MMP26: variants seen among roughly 807,000 people sequenced by gnomAD.
MMP26 encodes the protein matrix metalloproteinase-26.
Under a neutral mutation model 31.0 loss-of-function variants are expected in MMP26, and 33 were observed. The ratio of observed to expected loss-of-function variants is 1.06; its 90% CI spans 0.81 to 1.42. The LOEUF is 1.42. Ranked by LOEUF, MMP26 falls within the 40% of genes most tolerant of loss-of-function variation. The pLI is 0.00. For synonymous variants in MMP26, 122 were observed against 114.9 expected (o/e 1.06, Z -0.40); for missense variants, 347 against 316.1 (o/e 1.10, Z -0.74).
At chr11:4,839,224 T>G (rs530613602) in intron 2 of MMP26, among the ~76,000 whole-genome samples, 1 of 151,898 alleles carries the variant, frequency 6.6e-6, no homozygotes, top group South Asian at 2.1e-4. Context: ...CAGACCAAAG[T>G]GATCTGGGTC....
intron 2 of MMP26, among the ~76,000 whole-genome samples, chr11:4,932,403 G>A (rs1401435546): frequency 6.6e-6 from 1 of 152,208 alleles, no homozygotes; most frequent in South Asian, 2.1e-4. Flanking sequence ...AGACTAGAAG[G>A]TTCTATCCTG....
At chr11:4,738,095 G>GT (rs199562261) in intron 1 of MMP26, among the ~76,000 whole-genome samples, 3,577 of 152,002 alleles carry the variant, frequency 0.024, 140 homozygotes, top group African/African-American at 0.082. Context: ...GCCTGGCTGG[G>GT]TTTTTTTTAA....
At position 4,739,590 on chromosome 11, in the gene MMP26, TATACTCATGCAGC is replaced by T. The variant is rs557201754; in HGVS notation, c.-216-27679_-216-27667del. Among the ~76,000 whole-genome samples, 162 of 152,356 alleles carry T rather than the reference TATACTCATGCAGC, an allele frequency of 1.1e-3. 1 individual carries two copies. Among genetic ancestry groups the T allele is most frequent in the African/African-American group, 3.8e-3 (156 of 41,584 alleles). On this transcript the variant is annotated intron_variant, in intron 1 of 7. Coordinates refer to ENST00000380390, the MANE Select transcript of MMP26 (RefSeq NM_021801.5). Reference sequence around the variant, plus strand: ...GACTCCAACCACTTGATATGGAGAATATACTCATGCAGCTGTGTTATAGCCACACAATTTTACC... The same window carrying T: ...GACTCCAACCACTTGATATGGAGAATTGTGTTATAGCCACACAATTTTACC...
intron 2 of MMP26, among the ~76,000 whole-genome samples, chr11:4,893,942 T>TAAA (rs555259201): frequency 7.7e-4 from 107 of 139,512 alleles, no homozygotes; most frequent in African/African-American, 2.8e-3. Context: ...TCTACAAAAA[T>TAAA]AAAAAAAAAA....
At chr11:4,973,174 C>A in intron 2 of MMP26, 1 of 196,940 alleles carries the variant, frequency 5.1e-6, no homozygotes, top group East Asian at 1.2e-4. Flanking sequence ...TATTGAGGAC[C>A]TTGAGCCTTT....
chr11:4,744,182 G>A (rs1429747080), intron 1 of MMP26, among the ~76,000 whole-genome samples: 1 of 151,948 alleles, frequency 6.6e-6, no homozygotes, highest in Admixed American at 6.6e-5. Context: ...TCTCAACTAG[G>A]TTTCACACTG....
chr11:4,795,593 G>A (rs1849094852), intron 2 of MMP26, among the ~76,000 whole-genome samples: 1 of 152,082 alleles, frequency 6.6e-6, no homozygotes, highest in South Asian at 2.1e-4. Context: ...TGAAGAATAA[G>A]CATTTCAAAG....
At chr11:4,977,052 T>G (rs1846747600) in intron 2 of MMP26, among the ~76,000 whole-genome samples, 2 of 151,936 alleles carry the variant, frequency 1.3e-5, no homozygotes, top group Admixed American at 1.3e-4. Context: ...CCTTTGTTCA[T>G]TTTTTAAATT....
intron 2 of MMP26, among the ~76,000 whole-genome samples, chr11:4,845,054 T>C (rs1849848174): frequency 1.3e-5 from 2 of 152,218 alleles, no homozygotes; most frequent in Admixed American, 6.5e-5. Flanking sequence ...TCAGTAAATT[T>C]GCAGGATACA....
chr11:4,719,918 A>G (rs970103421), intron 1 of MMP26, among the ~76,000 whole-genome samples: 1 of 152,214 alleles, frequency 6.6e-6, no homozygotes, highest in Non-Finnish European at 1.5e-5. Flanking sequence ...CTTCTCCCTT[A>G]AAGAGATAAG....
intron 2 of MMP26, among the ~76,000 whole-genome samples, chr11:4,962,525 A>G (rs1484706253): frequency 6.6e-6 from 1 of 152,200 alleles, no homozygotes; most frequent in African/African-American, 2.4e-5. Context: ...ACAGATGCCC[A>G]TTGCAAGCTC....
chr11:4,780,793 T>C (rs67119549), intron 2 of MMP26, among the ~76,000 whole-genome samples: 14,346 of 151,754 alleles, frequency 0.095, 844 homozygotes, highest in Middle Eastern at 0.15. Context: ...AAACTAGAAA[T>C]AACACAGATG....
intron 2 of MMP26, among the ~76,000 whole-genome samples, chr11:4,933,310 C>T (rs781490395): frequency 2.0e-5 from 3 of 151,972 alleles, no homozygotes; most frequent in Non-Finnish European, 4.4e-5. Flanking sequence ...GTGCTCGCAA[C>T]CGGTATGAAG....
At chr11:4,875,140 A>G (rs903430126) in intron 2 of MMP26, 2 of 152,132 alleles carry the variant, frequency 1.3e-5, no homozygotes, top group African/African-American at 2.4e-5. Flanking sequence ...CTTTGGAAGT[A>G]CTGGAGATCA....
At chr11:4,767,189 C>G (rs1848643295) in intron 1 of MMP26, 81 bp from the exon 2 acceptor site, 1 of 152,140 alleles carries the variant, frequency 6.6e-6, no homozygotes, top group Non-Finnish European at 1.5e-5. Context: ...TGCCTATGTA[C>G]AGACAGACCT....
intron 2 of MMP26, among the ~76,000 whole-genome samples, chr11:4,773,901 G>C (rs187585977): frequency 5.1e-4 from 78 of 152,212 alleles, no homozygotes; most frequent in Admixed American, 1.8e-3. Flanking sequence ...TTGGTTTTCT[G>C]TTCCTGCATG....
At chr11:4,854,681 A>G (rs1484510747) in intron 2 of MMP26, among the ~76,000 whole-genome samples, 6 of 152,220 alleles carry the variant, frequency 3.9e-5, no homozygotes, top group African/African-American at 7.2e-5. Context: ...CTGCAGACTT[A>G]AATGTCCCTG....
At chr11:4,709,843 G>A (rs1440523982) in intron 1 of MMP26, 2 of 457,010 alleles carry the variant, frequency 4.4e-6, no homozygotes, top group Admixed American at 2.3e-5. Flanking sequence ...TTCAATGCTC[G>A]AGAAATCAGT....
chr11:4,859,982 G>C (rs549626819), intron 2 of MMP26: 3 of 470,988 alleles, frequency 6.4e-6, no homozygotes, highest in African/African-American at 6.0e-5. Context: ...CTGTTGATGC[G>C]GGTGCTGGCA....
Sources: allele counts gnomAD v4.1 joint callset (sites outside exome capture counted in the v4.1 genomes callset), GRCh38; gene constraint gnomAD v4.1.1; transcripts MANE v1.5; gene names NCBI Gene and HGNC (gene_info 2026-07-23, HGNC 2026-07-21).